CHDH: variants seen among roughly 807,000 people sequenced by gnomAD.
The protein encoded by CHDH is choline dehydrogenase, also known as choline dehydrogenase, mitochondrial.
A neutral mutation model predicts 56.9 loss-of-function variants in CHDH; 43 were observed. That is an observed-to-expected ratio of 0.76 (90% confidence interval 0.59 to 0.97). CHDH has a LOEUF of 0.97. CHDH is among the 50% of genes least tolerant of loss of function. CHDH has a pLI of 0.00. For synonymous variants in CHDH, 364 were observed against 348.5 expected (o/e 1.04, Z -0.50); for missense variants, 816 against 821.1 (o/e 0.99, Z 0.08).
chr3:53,822,996 C>T (rs748067696), intron 3 of CHDH, among the ~76,000 whole-genome samples: 2 of 152,168 alleles, frequency 1.3e-5, no homozygotes, highest in Non-Finnish European at 2.9e-5. Flanking sequence ...CTCTGTGCCT[C>T]AGTTTCCCCA....
chr3:53,840,523 T>C (rs1698638139), intron 2 of CHDH, among the ~76,000 whole-genome samples: 1 of 18,902 alleles, frequency 5.3e-5, no homozygotes, highest in South Asian at 4.2e-3. Flanking sequence ...AAAGACCTTG[T>C]CTCAAAAAAA....
intron 1 of CHDH, among the ~76,000 whole-genome samples, chr3:53,843,682 G>GC (rs540680135): frequency 2.9e-4 from 44 of 151,896 alleles, no homozygotes; most frequent in African/African-American, 8.9e-4. Flanking sequence ...CCCCTACAAA[G>GC]CCCCCCCGGA....
chr3:53,817,992 G>T lies in CHDH; in HGVS notation c.1570C>A (p.Pro524Thr). 1.2e-6 allele frequency: 2 copies of T among 1,614,214 alleles called. No homozygotes were observed. The highest frequency in any genetic ancestry group is 1.7e-6 in the Non-Finnish European group (2 of 1,180,038). Residue 524 changes from proline to threonine, a missense_variant, in exon 9 of 9, where the codon CCC becomes ACC. Physicochemically the swap from Pro to Thr is conservative, Grantham distance 38 (BLOSUM62 -1). Coordinates refer to ENST00000315251, the MANE Select transcript of CHDH (RefSeq NM_018397.5). ...CTCKMGQPSD[P>T]TAVVDPQTRV... is the part of the protein sequence containing the mutation. The stretch of plus-strand genomic sequence containing the variant: ...GTCTGCGGATCCACCACGGCAGTGG[G>T]ATCGGAGGGCTGGCCCATCTTACAG...
chr3:53,843,014 G>A lies in CHDH; in HGVS notation c.-130-2015C>T, dbSNP rs572611166. Among the ~76,000 whole-genome samples the A allele has an allele frequency of 1.8e-4, 28 of 152,220 alleles. No individual in the cohort carries two copies. In the South Asian group the frequency reaches 4.2e-3, roughly 23 times the overall value. On this transcript the variant is annotated intron_variant, in intron 1 of 8. Coordinates refer to ENST00000315251, the MANE Select transcript of CHDH (RefSeq NM_018397.5). ...CCTTGATTAATATTTGCAAAAGAAC[G>A]AACTGGAAAATTCCACCTGTGTGGG...
At position 53,824,041 on chromosome 3, in the gene CHDH, G is replaced by C. The variant is rs1271932296; in HGVS notation, c.-33C>G. 3 of 1,417,222 alleles carry C rather than the reference G, an allele frequency of 2.1e-6. No homozygotes were observed. Among genetic ancestry groups the C allele is most frequent in the Middle Eastern group, 2.4e-4 (1 of 4,228 alleles). The allele number at this position is 1,417,222 out of a possible 1,614,324, so 87.8% of individuals were successfully genotyped here. A position where few individuals can be genotyped will look rare whatever the true frequency, so the allele number is the denominator to read the frequency against. On this transcript the variant is annotated 5_prime_UTR_variant, in exon 3 of 9. Transcript: ENST00000315251. ...TCTAGTCCAAGTCCTCTGATCCACG[G>C]AGGGGAATGAGATGACTCACTTCTC...
At position 53,837,266 on chromosome 3, in the gene CHDH, T is replaced by C. The variant is rs916256909; in HGVS notation, c.-60+3663A>G. ...TTCCAGGAATCTCATCTCCCACATATTGATACATAATTAACAACTGAATTG... is the reference window on the plus strand; with the variant it reads ...TTCCAGGAATCTCATCTCCCACATACTGATACATAATTAACAACTGAATTG... On this transcript the variant is annotated intron_variant, in intron 2 of 8. Transcript: ENST00000315251. Among the ~76,000 whole-genome samples the C allele has an allele frequency of 2.6e-5, 4 of 152,346 alleles. No homozygotes were observed. The East Asian group carries it at 5.8e-4, about 22-fold the overall frequency.
chr3:53,841,449 C>A (rs1373833625), intron 1 of CHDH, among the ~76,000 whole-genome samples: 2 of 152,194 alleles, frequency 1.3e-5, no homozygotes, highest in African/African-American at 4.8e-5. Flanking sequence ...TTCCAGCAGA[C>A]ACCTCTGTCA....
chr3:53,823,830 G>A lies in CHDH; in HGVS notation c.179C>T (p.Thr60Met), dbSNP rs947955144. ...SAGCVLAGRL[T>M]EDPAERVLLL... ...CAGCACGCGCTCGGCGGGGTCCTCC[G>A]TGAGCCTCCCAGCCAGCACGCAGCC... The change falls in exon 3 of 9, where the codon ACG becomes ATG. Residue 60 changes from threonine to methionine, a missense_variant. Coordinates refer to ENST00000315251, the MANE Select transcript of CHDH (RefSeq NM_018397.5). The A allele has an allele frequency of 8.2e-6, 13 of 1,585,360 alleles. No individual in the cohort carries two copies. The highest frequency in any genetic ancestry group is 1.7e-5 in the Admixed American group (1 of 57,690).
rs1192684946 is a variant in CHDH, at chr3:53,840,991, T to C, written c.-122A>G. On this transcript the variant is annotated 5_prime_UTR_variant, in exon 2 of 9. Coordinates refer to ENST00000315251, the MANE Select transcript of CHDH (RefSeq NM_018397.5). ...GACCGGGGCTGGCCTACACACTCTT[T>C]GTGATTGTCTGAGAGAGATAAGTAC... 2 of 152,200 alleles carry C rather than the reference T, an allele frequency of 1.3e-5. No homozygotes were observed. Among genetic ancestry groups the C allele is most frequent in the African/African-American group, 4.8e-5 (2 of 41,444 alleles). The allele number at this position is 152,200 out of a possible 1,614,324, so 9.4% of individuals were successfully genotyped here.
In CHDH at chr3:53,822,622, A is replaced by G. The variant is rs777205206; in HGVS notation, c.724T>C (p.Cys242Arg). ...CTCAGTGCTGGGTGCAGGTAGGCAC[A>G]GGCCGCGCTCCACCGTTTGCCTGCA... Reference protein sequence around the residue: ...IHEGKRWSAACAYLHPALSRT... With the variant: ...IHEGKRWSAARAYLHPALSRT... Residue 242 changes from cysteine (C) to arginine (R), a missense_variant, in exon 4 of 9, where the codon TGT becomes CGT. Cys to Arg is a radical substitution (Grantham distance 180). Transcript: ENST00000315251. 1.2e-6 allele frequency: 2 copies of G among 1,610,652 alleles called. No individual in the cohort carries two copies. The highest frequency in any genetic ancestry group is 1.7e-6 in the Non-Finnish European group (2 of 1,179,546).
chr3:53,841,999 AG>A (rs1000425843), intron 1 of CHDH, among the ~76,000 whole-genome samples: 2 of 152,102 alleles, frequency 1.3e-5, no homozygotes, highest in African/African-American at 4.8e-5. Context: ...AAAAAAAGAA[AG>A]AAAAAATTAG....
chr3:53,836,597 T>A (rs957990678), intron 2 of CHDH, among the ~76,000 whole-genome samples: 1 of 152,226 alleles, frequency 6.6e-6, no homozygotes, highest in African/African-American at 2.4e-5. Flanking sequence ...AGATGAGCTG[T>A]GGAAAGCCCA....
intron 2 of CHDH, among the ~76,000 whole-genome samples, chr3:53,830,380 A>G (rs4687591): frequency 0.33 from 50,646 of 151,320 alleles, 14,126 homozygotes; most frequent in African/African-American, 0.74. Context: ...GAATATTATA[A>G]GAGGCTGTGG....
chr3:53,817,669 G>A lies in CHDH; in HGVS notation c.*108C>T, dbSNP rs912808207. On this transcript the variant is annotated 3_prime_UTR_variant, in exon 9 of 9. Coordinates refer to ENST00000315251, the MANE Select transcript of CHDH (RefSeq NM_018397.5). ...CAGCCACTGAGTAGGGTACCACCTG[G>A]GTCCTAGTGTGCTAGATAGTTTCAG... 38 of 880,488 alleles carry A rather than the reference G, an allele frequency of 4.3e-5. No homozygotes were observed. Among genetic ancestry groups the A allele is most frequent in the South Asian group, 7.0e-5 (4 of 56,908 alleles). 54.5% of individuals were successfully genotyped at this position (880,488 alleles called of 1,614,324 possible).
At chr3:53,829,716 C>G (rs1395640750) in intron 2 of CHDH, among the ~76,000 whole-genome samples, 1 of 152,180 alleles carries the variant, frequency 6.6e-6, no homozygotes, top group Non-Finnish European at 1.5e-5. Context: ...CAGGGAGGTT[C>G]AAGTCATGCA....
chr3:53,819,444 G>C lies in CHDH; in HGVS notation c.1263+88C>G. On this transcript the variant is annotated intron_variant, in intron 7 of 8. Transcript: ENST00000315251. The surrounding 1 kb of genome is among the most constrained non-coding windows in gnomAD (Gnocchi z 5.4). ...CCACTCTGCAGCCATATGGCACCAG[G>C]GAGAATGCTGCCTTGGAAGATGGGA... 1.3e-6 allele frequency: 2 copies of C among 1,503,124 alleles called. No individual in the cohort carries two copies. Among genetic ancestry groups the C allele is most frequent in the Non-Finnish European group, 1.8e-6 (2 of 1,112,830 alleles). The allele number at this position is 1,503,124 out of a possible 1,614,324, so 93.1% of individuals were successfully genotyped here.
At chr3:53,828,160 T>TACACACACAC (rs1698208629) in intron 2 of CHDH, among the ~76,000 whole-genome samples, 1 of 93,926 alleles carries the variant, frequency 1.1e-5, no homozygotes, top group African/African-American at 5.4e-5. Flanking sequence ...CTGGAATAAC[T>TACACACACAC]AGACACACAC....
At chr3:53,836,423 G>A (rs150937861) in intron 2 of CHDH, among the ~76,000 whole-genome samples, 2 of 152,244 alleles carry the variant, frequency 1.3e-5, no homozygotes, top group African/African-American at 4.8e-5. Context: ...TCCTCCCCAG[G>A]GCCTTTGCAC....
At chr3:53,830,052 T>C (rs185181259) in intron 2 of CHDH, among the ~76,000 whole-genome samples, 3 of 152,160 alleles carry the variant, frequency 2.0e-5, no homozygotes, top group African/African-American at 7.2e-5. Context: ...AGGACCTATA[T>C]ACTGAAAACT....
Sources: allele counts gnomAD v4.1 joint callset (sites outside exome capture counted in the v4.1 genomes callset), GRCh38; gene constraint gnomAD v4.1.1; non-coding constraint Gnocchi (gnomAD v3.1); transcripts MANE v1.5; gene names NCBI Gene and HGNC (gene_info 2026-07-23, HGNC 2026-07-21).